Variants in FOCAD observed in about 807,000 individuals in gnomAD.
The protein encoded by FOCAD is focadhesin, also known as KIAA1797.
Under a neutral mutation model 225.6 loss-of-function variants are expected in FOCAD, and 198 were observed. The ratio of observed to expected loss-of-function variants is 0.88; its 90% CI spans 0.78 to 0.99. The LOEUF is 0.99. FOCAD is among the 50% of genes least tolerant of loss of function. The probability of loss-of-function intolerance (pLI) is 0.00; values close to 1 mark genes in which losing one functional copy is unlikely to be tolerated. For missense variants in FOCAD, 2,713 were observed against 2,123.6 expected (o/e 1.28, Z -5.46); for synonymous variants, 897 against 755.0 (o/e 1.19, Z -3.08).
intron 32 of FOCAD, 145 bp downstream of exon 32, chr9:20,949,073 G>A (rs1175198294): frequency 7.5e-6 from 5 of 668,616 alleles, no homozygotes; most frequent in Admixed American, 2.8e-5. Flanking sequence ...ATGCCTTGCT[G>A]TATGAATAAT....
chr9:20,896,456 T>C lies in FOCAD; in HGVS notation c.2626-10694T>C, dbSNP rs1380657808. ...TTGGTGTGATATCCTCCTTAAATGTTTGGTAGAGTTCACCAGTGAACACAT... is the reference window on the plus strand; with the variant it reads ...TTGGTGTGATATCCTCCTTAAATGTCTGGTAGAGTTCACCAGTGAACACAT... On this transcript the variant is annotated intron_variant, in intron 21 of 43. Coordinates refer to ENST00000338382, the MANE Select transcript of FOCAD (RefSeq NM_001375567.1). 3.9e-5 allele frequency among the ~76,000 whole-genome samples: 6 copies of C among 152,032 alleles called. No individual in the cohort carries two copies. The East Asian group carries it at 1.2e-3, about 29-fold the overall frequency.
chr9:20,902,564 C>G (rs1476039711), intron 21 of FOCAD, among the ~76,000 whole-genome samples: 20 of 151,812 alleles, frequency 1.3e-4, no homozygotes, highest in South Asian at 2.1e-4. Flanking sequence ...TTGCAAAGTT[C>G]TGAGTTAATG....
At chr9:20,990,049 G>A (rs1436565812) in intron 41 of FOCAD, 74 bp from the exon 42 acceptor site, 1 of 1,564,610 alleles carries the variant, frequency 6.4e-7, no homozygotes, top group South Asian at 1.2e-5. Flanking sequence ...CACGACAGGG[G>A]CTGTGTATGT....
At chr9:20,831,788 T>C (rs995605653) in intron 15 of FOCAD, among the ~76,000 whole-genome samples, 1 of 152,082 alleles carries the variant, frequency 6.6e-6, no homozygotes, top group African/African-American at 2.4e-5. Context: ...AAAAGCTTAC[T>C]AAAATCAATT....
chr9:20,781,309 T>C (rs1819335835), intron 9 of FOCAD, among the ~76,000 whole-genome samples: 1 of 152,230 alleles, frequency 6.6e-6, no homozygotes, highest in Non-Finnish European at 1.5e-5. Context: ...CTTTGCTGTT[T>C]ACTTAAGCAT....
At chr9:20,657,143 A>T (rs1387349682), upstream of FOCAD, among the ~76,000 whole-genome samples, 6 of 152,068 alleles carry the variant, frequency 3.9e-5, no homozygotes, top group Non-Finnish European at 5.9e-5. Context: ...CTGCCGAGAG[A>T]TCCGCTGTTA....
At chr9:20,660,295 C>T (rs2131253036) in intron 2 of FOCAD, among the ~76,000 whole-genome samples, 1 of 152,270 alleles carries the variant, frequency 6.6e-6, no homozygotes, top group Admixed American at 6.5e-5. Context: ...CTTACAATGA[C>T]CTATGGTGTA....
intron 4 of FOCAD, among the ~76,000 whole-genome samples, chr9:20,739,182 C>T (rs1003997936): frequency 1.3e-5 from 2 of 152,116 alleles, no homozygotes; most frequent in Admixed American, 1.3e-4. Context: ...AGTGTTCTAA[C>T]CCAAAAATAA....
At chr9:20,685,741 C>G (rs1182586310) in intron 1 of FOCAD, among the ~76,000 whole-genome samples, 1 of 152,142 alleles carries the variant, frequency 6.6e-6, no homozygotes, top group African/African-American at 2.4e-5. Context: ...CATCTCTTGG[C>G]TAATGTTTAT....
chr9:20,816,967 T>C (rs1383210096), intron 11 of FOCAD, among the ~76,000 whole-genome samples: 1 of 152,160 alleles, frequency 6.6e-6, no homozygotes, highest in Admixed American at 6.6e-5. Context: ...TTATATAAGA[T>C]GCTTGAGCAT....
rs185645681 is a variant in FOCAD at position 20,782,247 on chromosome 9, T to G, written c.1197+318T>G. On this transcript the variant is annotated intron_variant, in intron 10 of 43. Coordinates refer to ENST00000338382, the MANE Select transcript of FOCAD (RefSeq NM_001375567.1). ...AATATATTTGAACATGGAATCATTT[T>G]TTAAAATTATACTGTTAGTTAAGTA... is the stretch of plus-strand genomic sequence containing the variant. Among the ~76,000 whole-genome samples, 51 of 152,360 alleles carry G rather than the reference T, an allele frequency of 3.3e-4. 1 individual carries two copies. The highest frequency in any genetic ancestry group is 1.2e-3 in the African/African-American group (51 of 41,584).
chr9:20,966,820 G>A (rs2132506554), intron 35 of FOCAD, among the ~76,000 whole-genome samples: 1 of 151,514 alleles, frequency 6.6e-6, no homozygotes. Flanking sequence ...AAATCAATTG[G>A]GTATAAATAT....
intron 7 of FOCAD, among the ~76,000 whole-genome samples, chr9:20,767,652 G>C (rs1022930761): frequency 7.0e-6 from 1 of 142,684 alleles, no homozygotes; most frequent in Non-Finnish European, 1.6e-5. Flanking sequence ...CATGTCCTTC[G>C]CCCACTTTTT....
At chr9:20,678,370 C>T (rs539084062) in intron 2 of FOCAD, among the ~76,000 whole-genome samples, 6 of 152,262 alleles carry the variant, frequency 3.9e-5, no homozygotes, top group Admixed American at 3.3e-4. Context: ...CCTAGACCAG[C>T]CAAGCTTTAA....
At chr9:20,976,315 A>T in intron 35 of FOCAD, 105 bp from the exon 36 acceptor site, 1 of 1,056,590 alleles carries the variant, frequency 9.5e-7, no homozygotes, top group Middle Eastern at 2.1e-4. Flanking sequence ...TGAATATGTG[A>T]TATCAGATCC....
chr9:20,670,866 A>C (rs1822044472), intron 2 of FOCAD, among the ~76,000 whole-genome samples: 1 of 152,198 alleles, frequency 6.6e-6, no homozygotes, highest in African/African-American at 2.4e-5. Context: ...ACTCTGAAGA[A>C]CTGAATGATT....
Position 20,885,417 on chromosome 9 carries a change from G to C in FOCAD, c.2625+187G>C, listed in dbSNP as rs146477914. On this transcript the variant is annotated intron_variant, in intron 21 of 43. Transcript: ENST00000338382. ...ATGTATTTCTGAAAGAAACTGCCAT[G>C]TTTTCCCCCACTGCCCAGCGTATTT... The C allele has an allele frequency of 1.4e-3, 609 of 436,026 alleles. 3 individuals carry two copies. Among genetic ancestry groups the C allele is most frequent in the African/African-American group, 9.2e-3 (449 of 48,588 alleles). 27.0% of individuals were successfully genotyped at this position (436,026 alleles called of 1,614,324 possible). A position where few individuals can be genotyped will look rare whatever the true frequency, so the allele number is the denominator to read the frequency against.
At chr9:20,739,564 T>G (rs4978018) in intron 4 of FOCAD, among the ~76,000 whole-genome samples, 2 of 151,154 alleles carry the variant, frequency 1.3e-5, no homozygotes, top group African/African-American at 4.9e-5. Flanking sequence ...GATCGTGCCA[T>G]TGAACTACAG....
chr9:20,960,691 C>T (rs1474349243), intron 35 of FOCAD, among the ~76,000 whole-genome samples: 5 of 151,688 alleles, frequency 3.3e-5, no homozygotes, highest in South Asian at 4.2e-4. Flanking sequence ...CCCATTAACT[C>T]GTCATTTACA....
Sources: allele counts gnomAD v4.1 joint callset (sites outside exome capture counted in the v4.1 genomes callset), GRCh38; gene constraint gnomAD v4.1.1; transcripts MANE v1.5; gene names NCBI Gene and HGNC (gene_info 2026-07-23, HGNC 2026-07-21).